Variants in MCM9 observed in about 807,000 individuals in gnomAD.
The protein encoded by MCM9 is DNA helicase MCM9.
MCM9 carries 55 observed loss-of-function variants against 72.8 expected under a neutral mutation model. The ratio of observed to expected loss-of-function variants is 0.76; its 90% CI spans 0.61 to 0.95. The LOEUF is 0.95. Among genes scored for constraint, MCM9 ranks in the 40% least tolerant of loss-of-function variants. The pLI is 0.00. For missense variants in MCM9, 1,279 were observed against 1,377.0 expected (o/e 0.93, Z 1.13); for synonymous variants, 480 against 503.4 (o/e 0.95, Z 0.62).
intron 8 of MCM9, among the ~76,000 whole-genome samples, chr6:118,907,118 C>G (rs1253973426): frequency 6.6e-6 from 1 of 152,122 alleles, no homozygotes; most frequent in Non-Finnish European, 1.5e-5. Flanking sequence ...GAGATTCTTT[C>G]TTTTAGAAAA....
rs1562407108 is a variant in MCM9 at position 118,843,670 on chromosome 6, G to GTGTATATATA, written c.1325+12700_1325+12701insTATATATACA. ...TATATATATATGTGTATATATATAT[G>GTGTATATATA]TATGTATATATATATGTGTATATAT... On this transcript the variant is annotated intron_variant, in intron 9 of 13. Coordinates refer to ENST00000619706, the MANE Select transcript of MCM9 (RefSeq NM_017696.3). Among the ~76,000 whole-genome samples the GTGTATATATA allele has an allele frequency of 9.6e-3, 165 of 17,108 alleles. 3 individuals are homozygous for GTGTATATATA. Among genetic ancestry groups the GTGTATATATA allele is most frequent in the African/African-American group, 0.012 (62 of 5,068 alleles). The allele number at this position is 17,108 out of a possible 152,430, so 11.2% of individuals were successfully genotyped here.
intron 13 of MCM9, among the ~76,000 whole-genome samples, chr6:118,824,903 A>C (rs1774062979): frequency 6.6e-6 from 1 of 152,184 alleles, no homozygotes; most frequent in Non-Finnish European, 1.5e-5. Flanking sequence ...TTATAAATAA[A>C]TACCAGTAGA....
At chr6:118,838,246 T>G (rs1330702767) in intron 9 of MCM9, among the ~76,000 whole-genome samples, 1 of 151,206 alleles carries the variant, frequency 6.6e-6, no homozygotes, top group African/African-American at 2.4e-5. Flanking sequence ...CACTTCAAGC[T>G]TCGCCTCCCA....
At chr6:118,852,126 T>C (rs746080977) in intron 9 of MCM9, among the ~76,000 whole-genome samples, 18 of 152,196 alleles carry the variant, frequency 1.2e-4, no homozygotes, top group Non-Finnish European at 2.5e-4. Context: ...CTGTACTGAA[T>C]ACCATAGGCA....
intron 6 of MCM9, 35 bp downstream of exon 6, chr6:118,917,526 T>TTAA (rs770566787): frequency 3.2e-6 from 5 of 1,581,788 alleles, no homozygotes; most frequent in Middle Eastern, 1.7e-4. Flanking sequence ...TGTAATACCA[T>TTAA]TAATAATAAT....
intron 11 of MCM9, among the ~76,000 whole-genome samples, 184 bp downstream of exon 11, chr6:118,827,743 C>G (rs1179971960): frequency 6.6e-6 from 1 of 152,090 alleles, no homozygotes; most frequent in Non-Finnish European, 1.5e-5. Context: ...ACATTCCAGT[C>G]AATACTCATA....
At chr6:118,926,379 G>A (rs1048559888) in intron 3 of MCM9, among the ~76,000 whole-genome samples, 7 of 152,152 alleles carry the variant, frequency 4.6e-5, no homozygotes, top group Non-Finnish European at 8.8e-5. Context: ...ATAATTAAGT[G>A]TTGACTATTT....
At chr6:118,889,839 G>C (rs910219950) in intron 8 of MCM9, among the ~76,000 whole-genome samples, 1 of 152,186 alleles carries the variant, frequency 6.6e-6, no homozygotes, top group Admixed American at 6.5e-5. Context: ...TCCAGCTATG[G>C]ATAAGGGATC....
chr6:118,873,705 A>G (rs1422930483), intron 8 of MCM9, among the ~76,000 whole-genome samples: 1 of 152,232 alleles, frequency 6.6e-6, no homozygotes, highest in African/African-American at 2.4e-5. Flanking sequence ...TATTTAAGGA[A>G]GAAATGACAT....
intron 3 of MCM9, among the ~76,000 whole-genome samples, chr6:118,929,196 G>T (rs1782177096): frequency 1.3e-5 from 2 of 152,228 alleles, no homozygotes; most frequent in Non-Finnish European, 2.9e-5. Flanking sequence ...CTCCAGCCTG[G>T]ACAACAGAGC....
chr6:118,922,921 A>G (rs528416358), intron 4 of MCM9, among the ~76,000 whole-genome samples: 1 of 151,030 alleles, frequency 6.6e-6, no homozygotes, highest in African/African-American at 2.4e-5. Context: ...AATCCCAGCT[A>G]CTCGGGAGGC....
At chr6:118,902,530 T>C (rs1779873379) in intron 8 of MCM9, among the ~76,000 whole-genome samples, 1 of 143,330 alleles carries the variant, frequency 7.0e-6, no homozygotes, top group Non-Finnish European at 1.5e-5. Context: ...TGATAATACT[T>C]TTTTTTTTTT....
At chr6:118,934,438 C>T (rs557462004) in intron 1 of MCM9, 1 of 152,250 alleles carries the variant, frequency 6.6e-6, no homozygotes, top group South Asian at 2.1e-4. Context: ...CAGGAGAGTG[C>T]CTAACTGCAC....
At chr6:118,893,044 C>T (rs1779050825) in intron 8 of MCM9, among the ~76,000 whole-genome samples, 1 of 152,078 alleles carries the variant, frequency 6.6e-6, no homozygotes, top group African/African-American at 2.4e-5. Context: ...GTTTCATTCA[C>T]AACATTTAAG....
Position 118,815,789 on chromosome 6 carries a change from G to C in MCM9, c.2467C>G (p.Leu823Val). 1.9e-6 allele frequency: 3 copies of C among 1,539,814 alleles called. No individual in the cohort carries two copies. The highest frequency in any genetic ancestry group is 2.6e-6 in the Non-Finnish European group (3 of 1,147,014). ...DNVESNKKKRLALDSEAAVSA... is the reference protein window; with the variant it reads ...DNVESNKKKRVALDSEAAVSA... ...ACTGCTGCTTCAGAATCTAGTGCTA[G>C]CCTTTTTTTCTTGTTACTTTCCACA... Residue 823 changes from leucine to valine, a missense_variant, in exon 14 of 14, where the codon CTA becomes GTA. Transcript: ENST00000619706.
rs746835317 is a variant in MCM9 at position 118,913,372 on chromosome 6, TACATTCCAA to T, written c.944_952del (p.Phe315_Met317del). 5.0e-6 allele frequency: 8 copies of T among 1,614,096 alleles called. No individual in the cohort carries two copies. The highest frequency in any genetic ancestry group is 6.8e-6 in the Non-Finnish European group (8 of 1,179,976). On this transcript the variant is annotated inframe_deletion, in exon 7 of 14. Coordinates refer to ENST00000619706, the MANE Select transcript of MCM9 (RefSeq NM_017696.3). Reference sequence around the variant, plus strand: ...CATGGCCACAGCAAGCTTTACTAGATACATTCCAAACACTTGAGGGCACAAGCTAGCCAA... The same window carrying T: ...CATGGCCACAGCAAGCTTTACTAGATACACTTGAGGGCACAAGCTAGCCAA...
chr6:118,848,545 GA>G (rs910192649), intron 9 of MCM9, among the ~76,000 whole-genome samples: 2 of 151,810 alleles, frequency 1.3e-5, no homozygotes, highest in Non-Finnish European at 2.9e-5. Flanking sequence ...CAGCAGAGAT[GA>G]GTAGTTCCAA....
rs1554258631 is a variant in MCM9, at chr6:118,867,879, C to CTTTTTTTTTTTTTTTT, written c.1151-11335_1151-11334insAAAAAAAAAAAAAAAA. The stretch of plus-strand genomic sequence containing the variant: ...TTAATTATATTTCTTTTTTCTTTTT[C>CTTTTTTTTTTTTTTTT]TTTTTCTTTTTTTTTGAGATGAAGT... On this transcript the variant is annotated intron_variant, in intron 8 of 13. Coordinates refer to ENST00000619706, the MANE Select transcript of MCM9 (RefSeq NM_017696.3). 3.2e-4 allele frequency among the ~76,000 whole-genome samples: 44 copies of CTTTTTTTTTTTTTTTT among 137,492 alleles called. 5 individuals are homozygous for CTTTTTTTTTTTTTTTT. The highest frequency in any genetic ancestry group is 4.5e-4 in the Non-Finnish European group (29 of 64,466). 90.2% of individuals were successfully genotyped at this position (137,492 alleles called of 152,430 possible). A position where few individuals can be genotyped will look rare whatever the true frequency, so the allele number is the denominator to read the frequency against.
At chr6:118,931,348 TTCTAAA>T (rs1289142808) in intron 3 of MCM9, 66 bp downstream of exon 3, 1 of 1,209,966 alleles carries the variant, frequency 8.3e-7, no homozygotes, top group African/African-American at 1.5e-5. Context: ...TTTCTTAGTG[TTCTAAA>T]TCTAGTATAT....
Sources: gnomAD v4.1 joint callset for allele counts (sites outside exome capture counted in the v4.1 genomes callset) on GRCh38, gnomAD v4.1.1 for gene constraint, MANE v1.5 for transcripts, NCBI Gene and HGNC (gene_info 2026-07-23, HGNC 2026-07-21) for gene names.